Variants in STAU2 observed in about 807,000 individuals in gnomAD.
The protein encoded by STAU2 is staufen double-stranded RNA binding protein 2.
A neutral mutation model predicts 65.9 loss-of-function variants in STAU2; 20 were observed. The ratio of observed to expected loss-of-function variants is 0.30; its 90% CI spans 0.21 to 0.44. The LOEUF (loss-of-function observed/expected upper bound fraction) is 0.44, where lower values mean the gene tolerates loss of function less well. STAU2 is among the 20% of genes least tolerant of loss of function. The probability of loss-of-function intolerance (pLI) is 1.00; values close to 1 mark genes in which losing one functional copy is unlikely to be tolerated. For synonymous variants in STAU2, 232 were observed against 233.9 expected (o/e 0.99, Z 0.07); for missense variants, 558 against 683.9 (o/e 0.82, Z 2.05).
chr8:73,498,699 C>A (rs568005761), intron 13 of STAU2, among the ~76,000 whole-genome samples: 1 of 151,800 alleles, frequency 6.6e-6, no homozygotes, highest in African/African-American at 2.4e-5. Context: ...AAGGGAATTG[C>A]TATTTGGGGA....
chr8:73,567,279 G>A lies in STAU2; in HGVS notation c.1223-14960C>T, dbSNP rs527324941. Among the ~76,000 whole-genome samples the A allele has an allele frequency of 7.2e-5, 11 of 152,150 alleles. No individual in the cohort carries two copies. In the South Asian group the frequency reaches 1.2e-3, roughly 17 times the overall value. ...TCCCAGCACCTTGGGAGGCCGAGGCGGGCAGATCACCTCAGGTTGGGAGTT... is the reference window on the plus strand; with the variant it reads ...TCCCAGCACCTTGGGAGGCCGAGGCAGGCAGATCACCTCAGGTTGGGAGTT... On this transcript the variant is annotated intron_variant, in intron 12 of 14. Transcript: ENST00000524300.
intron 12 of STAU2, among the ~76,000 whole-genome samples, chr8:73,556,761 C>G (rs1807806860): frequency 6.6e-6 from 1 of 152,032 alleles, no homozygotes; most frequent in Non-Finnish European, 1.5e-5. Context: ...AAATCTTTGC[C>G]AGTTATCAAC....
chr8:73,740,291 T>C (rs1806753526), intron 1 of STAU2, among the ~76,000 whole-genome samples: 1 of 152,238 alleles, frequency 6.6e-6, no homozygotes, highest in South Asian at 2.1e-4. Context: ...TCTGGTGCAA[T>C]GTGCTATGCA....
At chr8:73,581,068 T>A (rs1368675927) in intron 12 of STAU2, among the ~76,000 whole-genome samples, 1 of 152,136 alleles carries the variant, frequency 6.6e-6, no homozygotes, top group African/African-American at 2.4e-5. Flanking sequence ...GGCCTCTTTG[T>A]GATATTCCTT....
Position 73,422,696 on chromosome 8 carries a change from A to C in STAU2, c.1537T>G (p.Leu513Val), listed in dbSNP as rs75740279. The C allele has an allele frequency of 0.017, 24,842 of 1,484,106 alleles. 749 individuals are homozygous for C. The highest frequency in any genetic ancestry group is 0.15 in the Admixed American group (6,310 of 40,774). The allele number at this position is 1,484,106 out of a possible 1,614,324, so 91.9% of individuals were successfully genotyped here. A position where few individuals can be genotyped will look rare whatever the true frequency, so the allele number is the denominator to read the frequency against. The change falls in exon 14 of 15, where the codon TTA (leucine) becomes GTA (valine). Residue 513 changes from leucine to valine, a missense_variant. Transcript: ENST00000524300. ...LARIQGFQAA[L>V]SALKQFSEQG... ...TCAGAAAATTGTTTCAAGGCACTTA[A>C]GGCTGCCTAAAAATGAAAACAAACA...
At chr8:73,678,794 T>TA (rs1818191253) in intron 5 of STAU2, among the ~76,000 whole-genome samples, 1 of 152,210 alleles carries the variant, frequency 6.6e-6, no homozygotes, top group African/African-American at 2.4e-5. Flanking sequence ...TTTTCTATTG[T>TA]AATAATATTT....
chr8:73,552,364 G>A lies in STAU2; in HGVS notation c.1223-45C>T, dbSNP rs369611413. The A allele has an allele frequency of 9.7e-5, 146 of 1,510,752 alleles. No individual in the cohort carries two copies. In the East Asian group the frequency reaches 1.4e-3, roughly 14 times the overall value. The allele number at this position is 1,510,752 out of a possible 1,614,324, so 93.6% of individuals were successfully genotyped here. On this transcript the variant is annotated intron_variant, in intron 12 of 14. Transcript: ENST00000524300. ...CACTGTTATTACACTTAAAATAACC[G>A]AAATAGAAACATAGCATTATTAACT... is the stretch of plus-strand genomic sequence containing the variant.
At chr8:73,714,194 C>T (rs546554150) in intron 3 of STAU2, among the ~76,000 whole-genome samples, 8 of 152,192 alleles carry the variant, frequency 5.3e-5, no homozygotes, top group African/African-American at 1.7e-4. Context: ...TGAGCCACCA[C>T]GCCCGGCCTT....
intron 12 of STAU2, among the ~76,000 whole-genome samples, chr8:73,577,150 C>G (rs931358691): frequency 6.6e-6 from 1 of 152,040 alleles, no homozygotes; most frequent in Non-Finnish European, 1.5e-5. Flanking sequence ...TATTTATGGC[C>G]GGGTACACTG....
At chr8:73,444,868 A>T (rs1439936344) in intron 13 of STAU2, among the ~76,000 whole-genome samples, 3 of 152,224 alleles carry the variant, frequency 2.0e-5, no homozygotes, top group South Asian at 2.1e-4. Context: ...CTTCCAGAGG[A>T]CACAGGGACC....
chr8:73,555,722 G>A (rs926056881), intron 12 of STAU2, among the ~76,000 whole-genome samples: 4 of 152,180 alleles, frequency 2.6e-5, no homozygotes, highest in African/African-American at 9.7e-5. Flanking sequence ...ATGTGCATAG[G>A]TTATATGCAA....
intron 4 of STAU2, among the ~76,000 whole-genome samples, chr8:73,690,364 T>C (rs1166971555): frequency 7.4e-6 from 1 of 135,112 alleles, no homozygotes; most frequent in East Asian, 2.2e-4. Flanking sequence ...AAAAGAGACA[T>C]GAAAAGACAT....
At position 73,426,926 on chromosome 8, in the gene STAU2, A is replaced by ATTT. The variant is rs34400355; in HGVS notation, c.1531-4227_1531-4225dup. The stretch of plus-strand genomic sequence containing the variant: ...CCAAAGATGATGTCCATTTTTAAAG[A>ATTT]TTTTTTTTTTTTTTTTTTTGAGACA... On this transcript the variant is annotated intron_variant, in intron 13 of 14. Transcript: ENST00000524300. Among the ~76,000 whole-genome samples, 635 of 129,926 alleles carry ATTT rather than the reference A, an allele frequency of 4.9e-3. 8 individuals are homozygous for ATTT. The highest frequency in any genetic ancestry group is 0.014 in the African/African-American group (464 of 34,032). 85.2% of individuals were successfully genotyped at this position (129,926 alleles called of 152,430 possible).
At chr8:73,663,125 G>C (rs1030668131) in intron 6 of STAU2, among the ~76,000 whole-genome samples, 5 of 151,996 alleles carry the variant, frequency 3.3e-5, no homozygotes, top group Admixed American at 6.6e-5. Context: ...GGCTTTGCAG[G>C]CCATATGATC....
chr8:73,526,957 T>C (rs1035304419), intron 13 of STAU2, among the ~76,000 whole-genome samples: 2 of 152,242 alleles, frequency 1.3e-5, no homozygotes, highest in Admixed American at 1.3e-4. Flanking sequence ...TTTACACAGT[T>C]GTTCTACATA....
At chr8:73,488,216 A>C (rs950950459) in intron 13 of STAU2, among the ~76,000 whole-genome samples, 18 of 152,220 alleles carry the variant, frequency 1.2e-4, no homozygotes, top group African/African-American at 4.1e-4. Flanking sequence ...TTCAAATTCC[A>C]AATAAAATGA....
intron 6 of STAU2, among the ~76,000 whole-genome samples, chr8:73,632,470 A>G (rs1248624925): frequency 2.0e-5 from 3 of 152,230 alleles, no homozygotes; most frequent in Non-Finnish European, 4.4e-5. Flanking sequence ...AGCAAATTTT[A>G]CTTATTGTTC....
At chr8:73,459,858 C>T (rs1819255896) in intron 13 of STAU2, among the ~76,000 whole-genome samples, 1 of 152,186 alleles carries the variant, frequency 6.6e-6, no homozygotes, top group Non-Finnish European at 1.5e-5. Flanking sequence ...CTGCTCAATG[C>T]AGCCACTGTC....
chr8:73,473,580 T>A (rs966261289), intron 13 of STAU2, among the ~76,000 whole-genome samples: 4 of 152,148 alleles, frequency 2.6e-5, no homozygotes, highest in Non-Finnish European at 5.9e-5. Context: ...GTGTGAGGAC[T>A]GGCACCTTCT....
Sources: allele counts gnomAD v4.1 joint callset (sites outside exome capture counted in the v4.1 genomes callset), GRCh38; gene constraint gnomAD v4.1.1; transcripts MANE v1.5; gene names NCBI Gene and HGNC (gene_info 2026-07-23, HGNC 2026-07-21).